KCNJ15: variants seen among roughly 807,000 people sequenced by gnomAD.
The protein encoded by KCNJ15 is potassium inwardly rectifying channel subfamily J member 15, also known as ATP-sensitive inward rectifier potassium channel 15.
Under a neutral mutation model 23.0 loss-of-function variants are expected in KCNJ15, and 14 were observed. The observed-to-expected ratio is 0.61, with a 90% CI of 0.40 to 0.95. The LOEUF is 0.95. Ranked by LOEUF, KCNJ15 falls within the 40% of genes least tolerant of loss-of-function variation. KCNJ15 has a pLI of 0.00. For missense variants in KCNJ15, 388 were observed against 461.8 expected, an observed-to-expected ratio of 0.84 and a Z score of 1.46; for synonymous variants, 185 against 183.2, an observed-to-expected ratio of 1.01 and a Z score of -0.08.
chr21:38,288,937 C>A (rs913173072), intron 1 of KCNJ15, among the ~76,000 whole-genome samples: 1 of 152,136 alleles, frequency 6.6e-6, no homozygotes, highest in Non-Finnish European at 1.5e-5. Context: ...CGGTGGCTCA[C>A]GCCTGTAATC....
intron 1 of KCNJ15, among the ~76,000 whole-genome samples, chr21:38,265,441 C>T (rs918203550): frequency 2.6e-5 from 4 of 152,196 alleles, no homozygotes; most frequent in African/African-American, 9.6e-5. Flanking sequence ...CTAAATGATA[C>T]TTTCTGCACA....
chr21:38,278,757 A>G (rs530700467), intron 1 of KCNJ15, among the ~76,000 whole-genome samples: 23 of 152,298 alleles, frequency 1.5e-4, no homozygotes, highest in Middle Eastern at 3.4e-3. Flanking sequence ...GGACTAATCC[A>G]TCTGGGCAAC....
chr21:38,243,428 G>A (rs963078206), intron 1 of KCNJ15, among the ~76,000 whole-genome samples: 1 of 149,232 alleles, frequency 6.7e-6, no homozygotes, highest in African/African-American at 2.5e-5. Context: ...AATATTTTGA[G>A]TTTCGCGGCC....
At chr21:38,267,267 G>A (rs1981559462) in intron 1 of KCNJ15, 2 of 152,186 alleles carry the variant, frequency 1.3e-5, no homozygotes. Context: ...TTCAGTTTTG[G>A]ATGAGTCAGT....
intron 1 of KCNJ15, among the ~76,000 whole-genome samples, chr21:38,246,841 G>A (rs1025961846): frequency 6.6e-6 from 1 of 152,052 alleles, no homozygotes; most frequent in Admixed American, 6.6e-5. Context: ...TTAACATCAG[G>A]GATTTACTGT....
chr21:38,231,028 T>C (rs1026726749), intron 1 of KCNJ15, among the ~76,000 whole-genome samples: 2 of 152,074 alleles, frequency 1.3e-5, no homozygotes, highest in African/African-American at 4.8e-5. Context: ...ATTTTAACAA[T>C]AACAACTCTT....
At chr21:38,291,454 A>AG (rs1338325103) in intron 1 of KCNJ15, among the ~76,000 whole-genome samples, 2 of 152,214 alleles carry the variant, frequency 1.3e-5, no homozygotes, top group African/African-American at 4.8e-5. Flanking sequence ...TCTATCCCCA[A>AG]GGAAACATTT....
At position 38,303,277 on chromosome 21, in the gene KCNJ15, C is replaced by T. The variant is rs928923773; in HGVS notation, c.*2888C>T. 3 of 151,584 alleles carry T rather than the reference C, an allele frequency of 2.0e-5. No homozygotes were observed. Among genetic ancestry groups the T allele is most frequent in the African/African-American group, 7.3e-5 (3 of 41,250 alleles). 9.4% of individuals were successfully genotyped at this position (151,584 alleles called of 1,614,324 possible). ...TTGAAACAGATTCACACTCAACACC[C>T]AACTAAGGAGGAGCCAAAGTAGTGG... On this transcript the variant is annotated 3_prime_UTR_variant, in exon 3 of 3. Coordinates refer to ENST00000398938, the MANE Select transcript of KCNJ15 (RefSeq NM_170736.3).
chr21:38,253,852 CTT>C (rs1291100737), upstream of KCNJ15, among the ~76,000 whole-genome samples: 1 of 152,136 alleles, frequency 6.6e-6, no homozygotes, highest in African/African-American at 2.4e-5. Context: ...AACTAAGAGT[CTT>C]TCCGTTAACT....
intron 1 of KCNJ15, among the ~76,000 whole-genome samples, chr21:38,258,328 A>C (rs912402571): frequency 5.9e-5 from 9 of 152,250 alleles, no homozygotes; most frequent in Non-Finnish European, 1.0e-4. Context: ...TTTAAATATC[A>C]TCATTTTGTG....
chr21:38,231,641 A>G (rs1047986536), intron 1 of KCNJ15, among the ~76,000 whole-genome samples: 1 of 122,938 alleles, frequency 8.1e-6, no homozygotes, highest in Non-Finnish European at 1.7e-5. Flanking sequence ...CTCTATTCCT[A>G]GTTTATTGAA....
rs1985924398 is a variant in KCNJ15, at chr21:38,303,364, C to T, written c.*2975C>T. ...ACATTTCTAATGTGTTAGGTTTTCT[C>T]AATGAGACCATTAAAAAACGTTGTG... On this transcript the variant is annotated 3_prime_UTR_variant, in exon 3 of 3. Coordinates refer to ENST00000398938, the MANE Select transcript of KCNJ15 (RefSeq NM_170736.3). 6.6e-6 allele frequency: 1 copy of T among 151,916 alleles called. No homozygotes were observed. Among genetic ancestry groups the T allele is most frequent in the Non-Finnish European group, 1.5e-5 (1 of 67,976 alleles). The allele number at this position is 151,916 out of a possible 1,614,324, so 9.4% of individuals were successfully genotyped here.
intron 1 of KCNJ15, among the ~76,000 whole-genome samples, chr21:38,280,728 A>G (rs1983237585): frequency 6.6e-6 from 1 of 152,162 alleles, no homozygotes; most frequent in South Asian, 2.1e-4. Context: ...TTAAAGAATG[A>G]AGTCATCTAG....
chr21:38,280,733 A>T (rs1042251904), intron 1 of KCNJ15, among the ~76,000 whole-genome samples: 1 of 152,180 alleles, frequency 6.6e-6, no homozygotes, highest in Non-Finnish European at 1.5e-5. Context: ...GAATGAAGTC[A>T]TCTAGTGGCT....
intron 1 of KCNJ15, among the ~76,000 whole-genome samples, chr21:38,232,472 A>G (rs1958532866): frequency 6.6e-6 from 1 of 151,584 alleles, no homozygotes; most frequent in South Asian, 2.1e-4. Context: ...TTTATGTATT[A>G]CTTTCTTATG....
At chr21:38,254,359 G>GA (rs776365727), upstream of KCNJ15, among the ~76,000 whole-genome samples, 3 of 152,148 alleles carry the variant, frequency 2.0e-5, no homozygotes, top group Admixed American at 6.5e-5. Flanking sequence ...ATCACCAAAT[G>GA]AAAAGTAACA....
In KCNJ15 at chr21:38,299,110, G is replaced by A. The variant is rs1354736577; in HGVS notation, c.-18-134G>A. ...CTACCGACCACCTAAGTATAGATCAGTTAATCTTGCCTTCAGAATTCTCCT... is the reference window on the plus strand; with the variant it reads ...CTACCGACCACCTAAGTATAGATCAATTAATCTTGCCTTCAGAATTCTCCT... On this transcript the variant is annotated intron_variant, in intron 2 of 2. Transcript: ENST00000398938. This position sits in a 1 kb window ranked among gnomAD's most constrained non-coding sequence, Gnocchi z 4.5. The A allele has an allele frequency of 2.8e-6, 2 of 724,376 alleles. No individual in the cohort carries two copies. Among genetic ancestry groups the A allele is most frequent in the Non-Finnish European group, 4.5e-6 (2 of 440,364 alleles). The allele number at this position is 724,376 out of a possible 1,614,324, so 44.9% of individuals were successfully genotyped here. A position where few individuals can be genotyped will look rare whatever the true frequency, so the allele number is the denominator to read the frequency against.
At chr21:38,288,026 C>CTTTTCTTTTTTTTT (rs1171718120) in intron 1 of KCNJ15, among the ~76,000 whole-genome samples, 1 of 78,170 alleles carries the variant, frequency 1.3e-5, no homozygotes, top group Admixed American at 2.0e-4. Flanking sequence ...TTGTTTTTTT[C>CTTTTCTTTTTTTTT]TTTGTTTTTT....
chr21:38,289,196 C>CA (rs66914079), intron 1 of KCNJ15, among the ~76,000 whole-genome samples: 9,209 of 71,430 alleles, frequency 0.13, 713 homozygotes, highest in African/African-American at 0.25. Flanking sequence ...AAGACTGTCT[C>CA]AAAAAAAAAA....
Sources: gnomAD v4.1 joint callset for allele counts (sites outside exome capture counted in the v4.1 genomes callset) on GRCh38, gnomAD v4.1.1 for gene constraint, Gnocchi (gnomAD v3.1) non-coding constraint, MANE v1.5 for transcripts, NCBI Gene and HGNC (gene_info 2026-07-23, HGNC 2026-07-21) for gene names.